Variants in SLC4A4 observed in about 807,000 individuals in gnomAD.
SLC4A4 encodes the protein solute carrier family 4 member 4, also known as electrogenic sodium bicarbonate cotransporter 1.
In SLC4A4, 27 loss-of-function variants were observed where a neutral mutation model predicts 111.5. The ratio of observed to expected loss-of-function variants is 0.24; its 90% CI spans 0.18 to 0.33. The LOEUF (loss-of-function observed/expected upper bound fraction) is 0.33, where lower values mean the gene tolerates loss of function less well. Among genes scored for constraint, SLC4A4 ranks in the 10% least tolerant of loss-of-function variants. The pLI is 1.00. For missense variants in SLC4A4, 909 were observed against 1,315.5 expected (o/e 0.69, Z 4.78); for synonymous variants, 443 against 463.4 (o/e 0.96, Z 0.57).
chr4:71,470,743 C>A (rs774004242), intron 13 of SLC4A4, among the ~76,000 whole-genome samples: 2 of 151,938 alleles, frequency 1.3e-5, no homozygotes, highest in Non-Finnish European at 2.9e-5. Flanking sequence ...GGCTGGAGAC[C>A]CAGGGGAGCC....
At chr4:71,126,187 G>T (rs1743558662) in intron 2 of SLC4A4, among the ~76,000 whole-genome samples, 1 of 152,050 alleles carries the variant, frequency 6.6e-6, no homozygotes, top group Non-Finnish European at 1.5e-5. Flanking sequence ...TTATATATGA[G>T]CTGTAATATT....
chr4:71,291,596 C>T (rs1219785833), intron 3 of SLC4A4, among the ~76,000 whole-genome samples: 1 of 152,112 alleles, frequency 6.6e-6, no homozygotes, highest in Non-Finnish European at 1.5e-5. Context: ...TACACCACCA[C>T]AGCTGGCTAA....
At chr4:71,466,861 C>A (rs143126364) in intron 13 of SLC4A4, among the ~76,000 whole-genome samples, 229 of 150,952 alleles carry the variant, frequency 1.5e-3, no homozygotes, top group African/African-American at 5.5e-3. Flanking sequence ...CTGTGGACAG[C>A]AACACCCATG....
intron 2 of SLC4A4, among the ~76,000 whole-genome samples, chr4:71,138,841 T>C (rs10011058): frequency 0.072 from 10,979 of 151,650 alleles, 729 homozygotes; most frequent in African/African-American, 0.18. Flanking sequence ...TTGAGACCAT[T>C]CTGCCTAACA....
chr4:71,246,255 G>A (rs1720648478), intron 2 of SLC4A4, among the ~76,000 whole-genome samples: 1 of 152,214 alleles, frequency 6.6e-6, no homozygotes, highest in Non-Finnish European at 1.5e-5. Flanking sequence ...GAGGAACCAT[G>A]AAGAAGTTAA....
intron 3 of SLC4A4, among the ~76,000 whole-genome samples, chr4:71,272,837 AT>A (rs1351664001): frequency 6.6e-6 from 1 of 152,190 alleles, no homozygotes; most frequent in African/African-American, 2.4e-5. Context: ...ACTAAGGTGA[AT>A]TAAGTACTAG....
chr4:71,180,528 A>T (rs1745254835), intron 2 of SLC4A4, among the ~76,000 whole-genome samples: 1 of 152,238 alleles, frequency 6.6e-6, no homozygotes, highest in African/African-American at 2.4e-5. Flanking sequence ...AACCCCATCA[A>T]AAAGTGGGCA....
At chr4:71,511,316 G>A (rs1324648167) in intron 16 of SLC4A4, among the ~76,000 whole-genome samples, 2 of 152,000 alleles carry the variant, frequency 1.3e-5, no homozygotes, top group African/African-American at 4.8e-5. Context: ...CAGTGAACTT[G>A]CTCAGCATTT....
At chr4:71,296,523 G>T (rs942485042) in intron 3 of SLC4A4, among the ~76,000 whole-genome samples, 31 of 152,196 alleles carry the variant, frequency 2.0e-4, no homozygotes, top group African/African-American at 7.2e-4. Context: ...AGAGTTGGGT[G>T]TATTTTTTTG....
At chr4:71,333,369 A>G (rs1430424655) in intron 3 of SLC4A4, among the ~76,000 whole-genome samples, 2 of 152,240 alleles carry the variant, frequency 1.3e-5, no homozygotes, top group Non-Finnish European at 2.9e-5. Flanking sequence ...CTCTTCTCTT[A>G]CTTTCCTCTG....
chr4:71,142,961 A>T (rs575596617), intron 2 of SLC4A4, among the ~76,000 whole-genome samples: 2 of 151,636 alleles, frequency 1.3e-5, no homozygotes, highest in South Asian at 4.2e-4. Flanking sequence ...TATTATTATT[A>T]TTATACTTTA....
At chr4:71,086,666 A>T (rs1255698995) in intron 1 of SLC4A4, among the ~76,000 whole-genome samples, 1 of 151,860 alleles carries the variant, frequency 6.6e-6, no homozygotes, top group Admixed American at 6.6e-5. Context: ...AGATAATCGT[A>T]TGGTTTTTGT....
chr4:71,514,973 C>T (rs1732247986), intron 16 of SLC4A4, among the ~76,000 whole-genome samples: 1 of 151,606 alleles, frequency 6.6e-6, no homozygotes, highest in South Asian at 2.1e-4. Context: ...TTTTTTTAGT[C>T]TGTATTTGTT....
rs977222872 is a variant in SLC4A4, at chr4:71,178,860, C to T, written c.-1-57716C>T. 1.1e-3 allele frequency among the ~76,000 whole-genome samples: 166 copies of T among 152,246 alleles called. 1 individual carries two copies. Among genetic ancestry groups the T allele is most frequent in the Non-Finnish European group, 1.2e-3 (82 of 68,026 alleles). ...TCCTCCCTAACTCATTTTATGAGGC[C>T]AGCAGCATCCTGATACCAAAGCCTG... On this transcript the variant is annotated intron_variant, in intron 2 of 26. Coordinates refer to the SLC4A4 transcript ENST00000649996.
intron 2 of SLC4A4, among the ~76,000 whole-genome samples, chr4:71,156,611 CACAT>C (rs1171027504): frequency 0.033 from 4,981 of 150,868 alleles, 275 homozygotes; most frequent in African/African-American, 0.12. Flanking sequence ...CACACACACA[CACAT>C]ACACATTGTG....
intron 1 of SLC4A4, among the ~76,000 whole-genome samples, chr4:71,196,875 T>G (rs1031154579): frequency 6.0e-5 from 3 of 49,628 alleles, no homozygotes; most frequent in Non-Finnish European, 1.8e-4. Flanking sequence ...AAAAAAAAAA[T>G]GCAGACAGAC....
intron 23 of SLC4A4, among the ~76,000 whole-genome samples, chr4:71,560,677 A>T (rs1480202004): frequency 6.6e-6 from 1 of 151,772 alleles, no homozygotes; most frequent in Non-Finnish European, 1.5e-5. Flanking sequence ...ATCTCACTTC[A>T]CGTGATCTGT....
chr4:71,192,078 A>G lies in SLC4A4; in HGVS notation c.-2+4677A>G, dbSNP rs116951155. Among the ~76,000 whole-genome samples the G allele has an allele frequency of 9.5e-4, 144 of 152,332 alleles. No homozygotes were observed. In the East Asian group the frequency reaches 0.026, roughly 28 times the overall value. ...AGAAAAATCTCTTAATATATTGAAG[A>G]CGTCTTCTTATTTAAGAGGAAATTG... On this transcript the variant is annotated intron_variant, in intron 1 of 25. Transcript: ENST00000264485.
chr4:71,069,883 AT>A (rs201818934), intron 1 of SLC4A4, among the ~76,000 whole-genome samples: 1,570 of 152,260 alleles, frequency 0.01, 35 homozygotes, highest in African/African-American at 0.036. Flanking sequence ...AATGAATAAA[AT>A]TAGTTTTTTT....
Sources: allele counts gnomAD v4.1 joint callset (sites outside exome capture counted in the v4.1 genomes callset), GRCh38; gene constraint gnomAD v4.1.1; transcripts MANE v1.5; gene names NCBI Gene and HGNC (gene_info 2026-07-23, HGNC 2026-07-21).